CD3E: variants seen among roughly 807,000 people sequenced by gnomAD.
CD3E encodes the protein T-cell surface glycoprotein CD3 epsilon chain.
A neutral mutation model predicts 34.7 loss-of-function variants in CD3E; 16 were observed. The observed-to-expected ratio is 0.46, with a 90% CI of 0.31 to 0.70. CD3E has a LOEUF of 0.70. CD3E is among the 30% of genes least tolerant of loss of function. The pLI is 0.05. For synonymous variants in CD3E, 70 were observed against 90.8 expected, an observed-to-expected ratio of 0.77 and a Z score of 1.30; for missense variants, 223 against 253.9, an observed-to-expected ratio of 0.88 and a Z score of 0.83.
intron 5 of CD3E, 148 bp from the exon 6 acceptor site, chr11:118,312,470 C>A: frequency 1.1e-6 from 1 of 929,026 alleles, no homozygotes; most frequent in Non-Finnish European, 1.7e-6. Flanking sequence ...CTTCCACACC[C>A]TCTAGCCAGT....
In CD3E at chr11:118,313,835, C is replaced by T; in HGVS notation, c.481C>T (p.Pro161Ser). ...WSKNRKAKAK[P>S]VTRGAGAGGR... is the part of the protein sequence containing the mutation. ...CAAGAATAGAAAGGCCAAGGCCAAG[C>T]CTGTGACACGAGGAGCGGGTGCTGG... is the stretch of plus-strand genomic sequence containing the variant. The change falls in exon 7 of 9, where the codon CCT (proline) becomes TCT (serine). Residue 161 changes from proline to serine, a missense_variant. By Grantham distance (74) the Pro-to-Ser change is moderately conservative. Transcript: ENST00000361763. The T allele has an allele frequency of 1.2e-6, 2 of 1,613,980 alleles. No individual in the cohort carries two copies. Among genetic ancestry groups the T allele is most frequent in the Non-Finnish European group, 8.5e-7 (1 of 1,180,028 alleles).
rs143015515 is a variant in CD3E at position 118,312,180 on chromosome 11, T to C, written c.103+10T>C. 1.2e-4 allele frequency: 188 copies of C among 1,610,622 alleles called. No homozygotes were observed. Among genetic ancestry groups the C allele is most frequent in the Middle Eastern group, 5.0e-4 (3 of 6,046 alleles). ...GGTATTACACAGACACGTGAGTTTATTGGTCTTTTATTTATGCCCTGTCTG... is the reference window on the plus strand; with the variant it reads ...GGTATTACACAGACACGTGAGTTTACTGGTCTTTTATTTATGCCCTGTCTG... On this transcript the variant is annotated intron_variant, in intron 5 of 8. Transcript: ENST00000361763.
intron 2 of CD3E, among the ~76,000 whole-genome samples, chr11:118,305,319 T>C (rs1948099817): frequency 6.6e-6 from 1 of 152,208 alleles, no homozygotes; most frequent in Non-Finnish European, 1.5e-5. Flanking sequence ...CAAAAGAGAC[T>C]GGAAGAGCGA....
At chr11:118,309,200 T>C (rs1004838324) in intron 4 of CD3E, among the ~76,000 whole-genome samples, 1 of 152,188 alleles carries the variant, frequency 6.6e-6, no homozygotes, top group African/African-American at 2.4e-5. Flanking sequence ...ATGGAAATAA[T>C]AGTGCTACCT....
In CD3E at chr11:118,312,864, G is replaced by A; in HGVS notation, c.350G>A (p.Arg117Lys). 2 of 1,614,182 alleles carry A rather than the reference G, an allele frequency of 1.2e-6. No individual in the cohort carries two copies. Among genetic ancestry groups the A allele is most frequent in the Non-Finnish European group, 1.7e-6 (2 of 1,180,044 alleles). Residue 117 changes from arginine to lysine, a missense_variant and splice_region_variant, in exon 6 of 9, where the codon AGA (arginine) becomes AAA (lysine). By Grantham distance (26) the Arg-to-Lys change is conservative (BLOSUM62 2). Transcript: ENST00000361763. ...DANFYLYLRA[R>K]VCENCMEMDV... ...AACTTTTATCTCTACCTGAGGGCAA[G>A]AGGTAATCCAGGTCTCCAGAACAGG...
intron 3 of CD3E, 106 bp downstream of exon 3, chr11:118,307,414 C>A: frequency 1.0e-6 from 1 of 998,120 alleles, no homozygotes; most frequent in Non-Finnish European, 1.5e-6. Flanking sequence ...CCACAGAGGT[C>A]AGGAAAAGGA....
In CD3E at chr11:118,312,812, C is replaced by A. The variant is rs201369123; in HGVS notation, c.298C>A (p.Pro100Thr). ...LEQSGYYVCY[P>T]RGSKPEDANF... ...GCAAAGTGGTTATTATGTCTGCTAC[C>A]CCAGAGGAAGCAAACCAGAAGATGC... Residue 100 changes from proline (P) to threonine (T), a missense_variant, in exon 6 of 9, where the codon CCC becomes ACC. By Grantham distance (38) the Pro-to-Thr change is conservative. Coordinates refer to ENST00000361763, the MANE Select transcript of CD3E (RefSeq NM_000733.4). 12 of 1,614,040 alleles carry A rather than the reference C, an allele frequency of 7.4e-6. No individual in the cohort carries two copies. Among genetic ancestry groups the A allele is most frequent in the Non-Finnish European group, 1.0e-5 (12 of 1,180,002 alleles).
intron 4 of CD3E, among the ~76,000 whole-genome samples, chr11:118,309,303 T>G (rs557789958): frequency 6.6e-6 from 1 of 152,252 alleles, no homozygotes; most frequent in South Asian, 2.1e-4. Context: ...GGGCCGGGCA[T>G]GGTGGCTCAC....
chr11:118,304,975 G>C lies in CD3E; in HGVS notation c.23G>C (p.Arg8Thr). 2 of 1,614,062 alleles carry C rather than the reference G, an allele frequency of 1.2e-6. No homozygotes were observed. The highest frequency in any genetic ancestry group is 8.5e-7 in the Non-Finnish European group (1 of 1,179,906). Reference protein sequence around the residue: MQSGTHWRVLGLCLLSVG... With the variant: MQSGTHWTVLGLCLLSVG... ...AAGATGCAGTCGGGCACTCACTGGA[G>C]AGTTCTGGGCCTCTGCCTCTTATCA... The change falls in exon 2 of 9, where the codon AGA (arginine) becomes ACA (threonine). Residue 8 changes from arginine to threonine, a missense_variant. Transcript: ENST00000361763.
intron 3 of CD3E, among the ~76,000 whole-genome samples, chr11:118,307,820 G>A (rs964197844): frequency 6.6e-6 from 1 of 152,112 alleles, no homozygotes; most frequent in African/African-American, 2.4e-5. Context: ...TTCCAACATT[G>A]GAAGCCCCTC....
chr11:118,312,901 C>T lies in CD3E; in HGVS notation c.352+35C>T, dbSNP rs201542577. The T allele has an allele frequency of 5.6e-6, 9 of 1,613,472 alleles. No homozygotes were observed. In the Middle Eastern group the frequency reaches 6.6e-4, roughly 118 times the overall value. On this transcript the variant is annotated intron_variant, in intron 6 of 8. Coordinates refer to ENST00000361763, the MANE Select transcript of CD3E (RefSeq NM_000733.4). ...GTCTCCAGAACAGGTACCACCGGCT[C>T]TTTAGGGAGGACCATTCAAAAGGGC... is the stretch of plus-strand genomic sequence containing the variant.
chr11:118,308,937 G>T (rs551436933), intron 4 of CD3E, among the ~76,000 whole-genome samples: 61 of 152,342 alleles, frequency 4.0e-4, no homozygotes, highest in African/African-American at 1.4e-3. Flanking sequence ...AAAGAGGGGA[G>T]TGGTCAACTC....
intron 3 of CD3E, among the ~76,000 whole-genome samples, chr11:118,307,756 G>T (rs375932764): frequency 3.9e-5 from 6 of 152,296 alleles, no homozygotes; most frequent in Admixed American, 2.6e-4. Flanking sequence ...ACATGCATAT[G>T]AGTGTGCCCG....
chr11:118,313,717 C>A lies in CD3E; in HGVS notation c.363C>A (p.Asn121Lys), dbSNP rs1447907807. Residue 121 changes from asparagine to lysine, a missense_variant, in exon 7 of 9, where the codon AAC becomes AAA. Transcript: ENST00000361763. Reference protein sequence around the residue: ...YLYLRARVCENCMEMDVMSVA... With the variant: ...YLYLRARVCEKCMEMDVMSVA... ...CCCCACCCCCCACAGTGTGTGAGAACTGCATGGAGATGGATGTGATGTCGG... is the reference window on the plus strand; with the variant it reads ...CCCCACCCCCCACAGTGTGTGAGAAATGCATGGAGATGGATGTGATGTCGG... 1.2e-6 allele frequency: 2 copies of A among 1,613,998 alleles called. No individual in the cohort carries two copies. Among genetic ancestry groups the A allele is most frequent in the East Asian group, 2.2e-5 (1 of 44,890 alleles).
intron 4 of CD3E, among the ~76,000 whole-genome samples, chr11:118,311,288 C>G (rs887416085): frequency 6.6e-6 from 1 of 152,156 alleles, no homozygotes; most frequent in Non-Finnish European, 1.5e-5. Flanking sequence ...ACCCAGTGTT[C>G]CAGCCACAAG....
chr11:118,307,692 C>A (rs1948115037), intron 3 of CD3E, among the ~76,000 whole-genome samples: 1 of 152,216 alleles, frequency 6.6e-6, no homozygotes, highest in Admixed American at 6.5e-5. Context: ...TGTTCAGAAT[C>A]ACATGTCTGA....
At chr11:118,312,496 C>T (rs1948140943) in intron 5 of CD3E, 122 bp from the exon 6 acceptor site, 16 of 1,171,678 alleles carry the variant, frequency 1.4e-5, no homozygotes, top group Admixed American at 5.1e-5. Flanking sequence ...TCCCTTCTGA[C>T]AAGCAAGTCT....
Position 118,315,466 on chromosome 11 carries a change from C to T in CD3E, c.568-20C>T, listed in dbSNP as rs1377183809. The T allele has an allele frequency of 1.2e-6, 2 of 1,611,160 alleles. No individual in the cohort carries two copies. Among genetic ancestry groups the T allele is most frequent in the Non-Finnish European group, 1.7e-6 (2 of 1,178,212 alleles). On this transcript the variant is annotated intron_variant, in intron 8 of 8. Coordinates refer to ENST00000361763, the MANE Select transcript of CD3E (RefSeq NM_000733.4). The stretch of plus-strand genomic sequence containing the variant: ...CTTCCTCCCGCACCACTGACCGCCC[C>T]CTCTCTATTTCACCCCCAGCCCATC...
intron 5 of CD3E, 187 bp from the exon 6 acceptor site, chr11:118,312,431 T>A (rs781733725): frequency 1.3e-6 from 1 of 754,606 alleles, no homozygotes; most frequent in Non-Finnish European, 2.2e-6. Flanking sequence ...TTCAAGGTTC[T>A]CTAGTTCCCT....
Sources: gnomAD v4.1 joint callset for allele counts (sites outside exome capture counted in the v4.1 genomes callset) on GRCh38, gnomAD v4.1.1 for gene constraint, MANE v1.5 for transcripts, NCBI Gene and HGNC (gene_info 2026-07-23, HGNC 2026-07-21) for gene names.